The following MOB3B variants were observed in gnomAD, a reference collection of about 807,000 sequenced individuals.
MOB3B encodes the protein MOB kinase activator 3B.
A neutral mutation model predicts 18.7 loss-of-function variants in MOB3B; 7 were observed. The ratio of observed to expected loss-of-function variants is 0.37; its 90% CI spans 0.21 to 0.70. The LOEUF (loss-of-function observed/expected upper bound fraction) is 0.70, where lower values mean the gene tolerates loss of function less well. Ranked by LOEUF, MOB3B falls within the 30% of genes least tolerant of loss-of-function variation. The pLI is 0.52. For synonymous variants in MOB3B, 111 were observed against 99.9 expected, an observed-to-expected ratio of 1.11 and a Z score of -0.66; for missense variants, 253 against 281.3, an observed-to-expected ratio of 0.90 and a Z score of 0.72.
intron 1 of MOB3B, among the ~76,000 whole-genome samples, chr9:27,486,146 A>G (rs1819726252): frequency 6.6e-6 from 1 of 152,218 alleles, no homozygotes; most frequent in Non-Finnish European, 1.5e-5. Flanking sequence ...AACGGGCAAG[A>G]GCTAGTTTCG....
At chr9:27,355,600 C>T (rs1821178738) in intron 3 of MOB3B, among the ~76,000 whole-genome samples, 1 of 146,552 alleles carries the variant, frequency 6.8e-6, no homozygotes, top group South Asian at 2.1e-4. Flanking sequence ...CGCTCTTTTG[C>T]CCAGGCCGGA....
chr9:27,345,491 A>G (rs1821019842), intron 3 of MOB3B, among the ~76,000 whole-genome samples: 1 of 152,106 alleles, frequency 6.6e-6, no homozygotes, highest in African/African-American at 2.4e-5. Flanking sequence ...TAGAGTTCCA[A>G]ATTCTTCTGA....
chr9:27,455,169 G>A lies in MOB3B; in HGVS notation c.382C>T (p.Gln128Ter). The A allele has an allele frequency of 6.2e-7, 1 of 1,614,070 alleles. No homozygotes were observed. Among genetic ancestry groups the A allele is most frequent in the South Asian group, 1.1e-5 (1 of 91,070 alleles). ...MNLLMDWIEV[Q>*]INNEEIFPTC... ...GGAAATATTTCCTCGTTGTTGATCT[G>A]AACCTCAATCCAATCCATAAGAAGG... Residue 128 changes from glutamine (Q) to a stop codon, truncating the protein, a stop_gained, in exon 2 of 4, where the codon CAG (glutamine) becomes TAG (stop). Transcript: ENST00000262244. LOFTEE classifies it high-confidence loss of function.
intron 2 of MOB3B, among the ~76,000 whole-genome samples, chr9:27,415,136 C>T (rs1822125447): frequency 6.6e-6 from 1 of 152,174 alleles, no homozygotes; most frequent in South Asian, 2.1e-4. Flanking sequence ...GCTAGGATTA[C>T]AGGTGTGAGC....
intron 1 of MOB3B, among the ~76,000 whole-genome samples, chr9:27,474,824 C>A (rs1434316980): frequency 1.3e-5 from 2 of 152,198 alleles, no homozygotes; most frequent in Non-Finnish European, 2.9e-5. Context: ...AACATGCGTA[C>A]TTTTTCCCTC....
chr9:27,353,896 C>A (rs1821146319), intron 3 of MOB3B, among the ~76,000 whole-genome samples: 1 of 152,256 alleles, frequency 6.6e-6, no homozygotes, highest in South Asian at 2.1e-4. Context: ...CTTATTCAAT[C>A]AGGGCCTGGC....
At chr9:27,390,748 C>T (rs971606949) in intron 2 of MOB3B, among the ~76,000 whole-genome samples, 1 of 152,088 alleles carries the variant, frequency 6.6e-6, no homozygotes, top group South Asian at 2.1e-4. Flanking sequence ...TTGAGTCCCC[C>T]CAAAATTTGT....
chr9:27,337,178 C>T (rs562151094), intron 3 of MOB3B, among the ~76,000 whole-genome samples: 4 of 152,206 alleles, frequency 2.6e-5, no homozygotes, highest in Non-Finnish European at 5.9e-5. Flanking sequence ...ACCCTACAAC[C>T]GGGAAGAGTT....
At chr9:27,453,081 C>T (rs1039291265) in intron 2 of MOB3B, among the ~76,000 whole-genome samples, 6 of 151,926 alleles carry the variant, frequency 3.9e-5, no homozygotes, top group African/African-American at 1.5e-4. Flanking sequence ...ACAGAAGGCC[C>T]AAATAATTCT....
At chr9:27,440,201 C>G in intron 2 of MOB3B, among the ~76,000 whole-genome samples, 1 of 152,134 alleles carries the variant, frequency 6.6e-6, no homozygotes, top group East Asian at 1.9e-4. Context: ...TACATATCTG[C>G]CCATCTGCAG....
chr9:27,434,655 T>A (rs1392077977), intron 2 of MOB3B, among the ~76,000 whole-genome samples: 1 of 152,038 alleles, frequency 6.6e-6, no homozygotes, highest in Non-Finnish European at 1.5e-5. Context: ...AGATTCTCAA[T>A]CTCAGTAAAT....
intron 2 of MOB3B, among the ~76,000 whole-genome samples, chr9:27,446,236 C>CT (rs34658068): frequency 0.67 from 100,640 of 151,072 alleles, 34,481 homozygotes; most frequent in Middle Eastern, 0.71. Context: ...GGGAATACAT[C>CT]TTTTTTTTTA....
chr9:27,364,595 A>T (rs1399577608), intron 2 of MOB3B, among the ~76,000 whole-genome samples: 1 of 152,180 alleles, frequency 6.6e-6, no homozygotes, highest in Non-Finnish European at 1.5e-5. Flanking sequence ...TACCTTTACC[A>T]CTTATTCACA....
At chr9:27,352,227 A>C (rs911091611) in intron 3 of MOB3B, among the ~76,000 whole-genome samples, 2 of 152,042 alleles carry the variant, frequency 1.3e-5, no homozygotes. Flanking sequence ...CAAAAAATTT[A>C]AAAATTAGCC....
intron 1 of MOB3B, among the ~76,000 whole-genome samples, chr9:27,492,815 C>G (rs953967636): frequency 6.6e-6 from 1 of 152,130 alleles, no homozygotes; most frequent in African/African-American, 2.4e-5. Context: ...GTGGGTACTG[C>G]AGGGGAAAGG....
intron 1 of MOB3B, among the ~76,000 whole-genome samples, chr9:27,480,293 T>C (rs1819628598): frequency 6.9e-6 from 1 of 143,922 alleles, no homozygotes; most frequent in Non-Finnish European, 1.5e-5. Flanking sequence ...CATGCCACCA[T>C]GCCCAGCTAT....
intron 2 of MOB3B, among the ~76,000 whole-genome samples, chr9:27,363,466 C>T (rs1295817856): frequency 6.6e-6 from 1 of 151,774 alleles, no homozygotes; most frequent in African/African-American, 2.4e-5. Context: ...GACGGGGTTT[C>T]ACTGTGTTAG....
chr9:27,518,980 C>T, intron 1 of MOB3B, among the ~76,000 whole-genome samples: 1 of 152,186 alleles, frequency 6.6e-6, no homozygotes. Flanking sequence ...AACTGTGTGA[C>T]ATCACTAGAG....
chr9:27,412,400 C>T (rs984217468), intron 2 of MOB3B, among the ~76,000 whole-genome samples: 12 of 152,122 alleles, frequency 7.9e-5, no homozygotes, highest in African/African-American at 2.7e-4. Flanking sequence ...CCCCACCTTT[C>T]CGGATTCAAA....
Sources: gnomAD v4.1 joint callset for allele counts (sites outside exome capture counted in the v4.1 genomes callset) on GRCh38, gnomAD v4.1.1 for gene constraint, MANE v1.5 for transcripts, NCBI Gene and HGNC (gene_info 2026-07-23, HGNC 2026-07-21) for gene names.